Variants in POU6F2 observed in about 807,000 individuals in gnomAD.
POU6F2 encodes POU class 6 homeobox 2.
POU6F2 carries 31 observed loss-of-function variants against 71.3 expected under a neutral mutation model. That is an observed-to-expected ratio of 0.43 (90% CI 0.33 to 0.59). POU6F2 has a LOEUF of 0.59. Ranked by LOEUF, POU6F2 falls within the 20% of genes least tolerant of loss-of-function variation. POU6F2 has a pLI of 0.04. For synonymous variants in POU6F2, 347 were observed against 355.7 expected (o/e 0.98, Z 0.27); for missense variants, 783 against 856.8 (o/e 0.91, Z 1.07).
At position 39,379,814 on chromosome 7, in the gene POU6F2, A is replaced by G. The variant is rs187521270; in HGVS notation, c.973-26786A>G. On this transcript the variant is annotated intron_variant, in intron 5 of 9. Coordinates refer to ENST00000518318, the MANE Select transcript of POU6F2 (RefSeq NM_001370959.1). ...AGAGAGAACTGTTCGCTTGGGCCAG[A>G]GTGTGAGAGGATATTCCTTCTCAAA... Among the ~76,000 whole-genome samples the G allele has an allele frequency of 2.0e-5, 3 of 152,304 alleles. No individual in the cohort carries two copies. In the East Asian group the frequency reaches 5.8e-4, roughly 29 times the overall value.
chr7:39,032,708 T>C (rs955944813), intron 1 of POU6F2, among the ~76,000 whole-genome samples: 2 of 152,220 alleles, frequency 1.3e-5, no homozygotes, highest in Non-Finnish European at 2.9e-5. Context: ...ACACATGATG[T>C]TCAGCATGCT....
chr7:39,341,324 T>A (rs1021103173), intron 5 of POU6F2, among the ~76,000 whole-genome samples: 2 of 152,176 alleles, frequency 1.3e-5, no homozygotes, highest in African/African-American at 4.8e-5. Flanking sequence ...CAGGGCTACT[T>A]TCAATTTGAA....
At chr7:39,215,863 C>G (rs1414184499) in intron 4 of POU6F2, among the ~76,000 whole-genome samples, 2 of 152,244 alleles carry the variant, frequency 1.3e-5, no homozygotes, top group African/African-American at 2.4e-5. Flanking sequence ...AAATCTCCAA[C>G]AGGAAGGTGT....
chr7:39,214,447 C>G (rs918669880), intron 4 of POU6F2, among the ~76,000 whole-genome samples: 2 of 152,322 alleles, frequency 1.3e-5, no homozygotes, highest in Non-Finnish European at 2.9e-5. Context: ...CTTTATTTGG[C>G]CTTTCTGAGC....
chr7:39,082,794 GCACACACACACACA>G (rs35710081), intron 1 of POU6F2, among the ~76,000 whole-genome samples: 5,461 of 137,146 alleles, frequency 0.04, 149 homozygotes, highest in Non-Finnish European at 0.059. Context: ...ACCATGTCAT[GCACACACACACACA>G]CACACACACA....
intron 2 of POU6F2, among the ~76,000 whole-genome samples, chr7:39,097,834 A>G (rs1334965980): frequency 6.6e-6 from 1 of 152,230 alleles, no homozygotes; most frequent in East Asian, 1.9e-4. Flanking sequence ...AATCAGCATC[A>G]TACATTGACA....
intron 4 of POU6F2, among the ~76,000 whole-genome samples, chr7:39,248,100 G>GA (rs1783851771): frequency 6.6e-6 from 1 of 150,650 alleles, no homozygotes; most frequent in Non-Finnish European, 1.5e-5. Context: ...CTCTTTTCCA[G>GA]GAAAAAAAAA....
At position 39,086,632 on chromosome 7, in the gene POU6F2, C is replaced by T. The variant is rs565348734; in HGVS notation, c.277+601C>T. Reference sequence around the variant, plus strand: ...TCTGATTCCCTCCTCTACCCCTCTCCTTTTCCACATTGTGTTTATAGCATC... The same window carrying T: ...TCTGATTCCCTCCTCTACCCCTCTCTTTTTCCACATTGTGTTTATAGCATC... On this transcript the variant is annotated intron_variant, in intron 2 of 9. Coordinates refer to ENST00000518318, the MANE Select transcript of POU6F2 (RefSeq NM_001370959.1). 2.0e-5 allele frequency among the ~76,000 whole-genome samples: 3 copies of T among 152,270 alleles called. No homozygotes were observed. In the East Asian group the frequency reaches 5.8e-4, roughly 29 times the overall value.
chr7:39,112,584 A>G (rs553988145), intron 2 of POU6F2, among the ~76,000 whole-genome samples: 1 of 152,268 alleles, frequency 6.6e-6, no homozygotes, highest in South Asian at 2.1e-4. Flanking sequence ...GTTAATATCC[A>G]CATGAAATTG....
At chr7:39,253,784 G>A (rs375986368) in intron 4 of POU6F2, among the ~76,000 whole-genome samples, 162 of 152,234 alleles carry the variant, frequency 1.1e-3, no homozygotes, top group African/African-American at 3.6e-3. Context: ...TTTCTTTCTC[G>A]GCTAAGCTTC....
chr7:39,060,724 A>C (rs1258145971), intron 1 of POU6F2, among the ~76,000 whole-genome samples: 2 of 152,186 alleles, frequency 1.3e-5, no homozygotes, highest in African/African-American at 4.8e-5. Flanking sequence ...ACTCTGCACA[A>C]ATAGAATGAT....
intron 4 of POU6F2, among the ~76,000 whole-genome samples, chr7:39,330,574 G>A (rs1284539300): frequency 6.6e-6 from 1 of 152,092 alleles, no homozygotes; most frequent in Admixed American, 6.6e-5. Context: ...AAAAAAATAC[G>A]CAGTGATCAA....
chr7:39,399,573 G>T (rs986527878), intron 5 of POU6F2, among the ~76,000 whole-genome samples: 1 of 152,230 alleles, frequency 6.6e-6, no homozygotes, highest in Non-Finnish European at 1.5e-5. Flanking sequence ...CAAGGTCTGG[G>T]TTGGGCCCAG....
intron 4 of POU6F2, among the ~76,000 whole-genome samples, chr7:39,266,957 G>T (rs1335059786): frequency 6.6e-6 from 1 of 152,062 alleles, no homozygotes; most frequent in Non-Finnish European, 1.5e-5. Flanking sequence ...CCCCTATGTA[G>T]TGGTAACTTT....
intron 1 of POU6F2, among the ~76,000 whole-genome samples, chr7:39,001,037 G>T (rs1489735906): frequency 6.6e-6 from 1 of 152,110 alleles, no homozygotes; most frequent in Non-Finnish European, 1.5e-5. Context: ...ATTTAATGGT[G>T]GAAATTTCAT....
intron 1 of POU6F2, among the ~76,000 whole-genome samples, chr7:39,020,797 CAG>C (rs1789666399): frequency 3.3e-4 from 50 of 150,864 alleles, no homozygotes; most frequent in Admixed American, 3.3e-3. Flanking sequence ...TTTTAATGTA[CAG>C]AGTTTTTGAC....
chr7:39,331,664 C>T lies in POU6F2; in HGVS notation c.599-7978C>T, dbSNP rs369044779. ...CTGGGACTACAGGCACACGCCACCA[C>T]GCCCAGCTAATTTTTGTATATTTTT... On this transcript the variant is annotated intron_variant, in intron 4 of 9. Coordinates refer to ENST00000518318, the MANE Select transcript of POU6F2 (RefSeq NM_001370959.1). Among the ~76,000 whole-genome samples, 489 of 152,184 alleles carry T rather than the reference C, an allele frequency of 3.2e-3. 3 individuals are homozygous for T. The highest frequency in any genetic ancestry group is 0.011 in the African/African-American group (465 of 41,522).
intron 2 of POU6F2, among the ~76,000 whole-genome samples, chr7:39,117,113 T>A (rs1361551960): frequency 6.6e-6 from 1 of 152,202 alleles, no homozygotes; most frequent in Non-Finnish European, 1.5e-5. Flanking sequence ...ATGTTTCAAA[T>A]GAATTCAGCA....
At chr7:39,321,132 G>A (rs2128768990) in intron 4 of POU6F2, among the ~76,000 whole-genome samples, 1 of 152,262 alleles carries the variant, frequency 6.6e-6, no homozygotes, top group African/African-American at 2.4e-5. Flanking sequence ...TTATATGAAT[G>A]TGGTCTCTCA....
Sources: allele counts gnomAD v4.1 joint callset (sites outside exome capture counted in the v4.1 genomes callset), GRCh38; gene constraint gnomAD v4.1.1; transcripts MANE v1.5; gene names NCBI Gene and HGNC (gene_info 2026-07-23, HGNC 2026-07-21).